Variants in RRM1 observed in about 807,000 individuals in gnomAD.
The protein encoded by RRM1 is ribonucleoside-diphosphate reductase large subunit.
Under a neutral mutation model 101.5 loss-of-function variants are expected in RRM1, and 19 were observed. The observed-to-expected ratio is 0.19, with a 90% confidence interval of 0.13 to 0.27. RRM1 has a LOEUF of 0.27. RRM1 is among the 10% of genes least tolerant of loss of function. RRM1 has a pLI of 1.00. For missense variants in RRM1, 500 were observed against 962.9 expected (o/e 0.52, Z 6.36); for synonymous variants, 298 against 323.4 (o/e 0.92, Z 0.84).
At chr11:4,120,292 G>C (rs569590296) in intron 9 of RRM1, among the ~76,000 whole-genome samples, 2 of 152,004 alleles carry the variant, frequency 1.3e-5, no homozygotes, top group African/African-American at 4.8e-5. Flanking sequence ...ATGATAGTTC[G>C]TTTGCAAAGA....
chr11:4,117,999 G>A (rs2094576086), intron 7 of RRM1, among the ~76,000 whole-genome samples: 1 of 152,206 alleles, frequency 6.6e-6, no homozygotes. Context: ...TTATGAATAT[G>A]CATGAGAAAA....
At position 4,132,238 on chromosome 11, in the gene RRM1, G is replaced by A. The variant is rs568937364; in HGVS notation, c.1770-48G>A. ...GTGACTTAAAGTAGCTGCTTTCCTGGCAGATTGTAGCTTTGGGACTAGTAC... is the reference window on the plus strand; with the variant it reads ...GTGACTTAAAGTAGCTGCTTTCCTGACAGATTGTAGCTTTGGGACTAGTAC... On this transcript the variant is annotated intron_variant, in intron 15 of 18. Transcript: ENST00000300738. This position sits in a 1 kb window ranked among gnomAD's most constrained non-coding sequence, Gnocchi z 4.1. 3.8e-6 allele frequency: 6 copies of A among 1,599,072 alleles called. No individual in the cohort carries two copies. In the South Asian group the frequency reaches 5.5e-5, roughly 15 times the overall value.
rs888385060 is a variant in RRM1, at chr11:4,134,022, G to A, written c.2001+364G>A. On this transcript the variant is annotated intron_variant, in intron 17 of 18. Transcript: ENST00000300738. Reference sequence around the variant, plus strand: ...TTTTTTTTGAGACGAAGTCTCTGTCGCCCAGGCTGGAGTGCAGTGGTGGAA... The same window carrying A: ...TTTTTTTTGAGACGAAGTCTCTGTCACCCAGGCTGGAGTGCAGTGGTGGAA... Among the ~76,000 whole-genome samples, 6 of 112,170 alleles carry A rather than the reference G, an allele frequency of 5.3e-5. No homozygotes were observed. The East Asian group carries it at 1.4e-3, about 26-fold the overall frequency. The allele number at this position is 112,170 out of a possible 152,430, so 73.6% of individuals were successfully genotyped here.
At chr11:4,115,786 A>G (rs2094572243) in intron 7 of RRM1, among the ~76,000 whole-genome samples, 1 of 152,054 alleles carries the variant, frequency 6.6e-6, no homozygotes, top group African/African-American at 2.4e-5. Flanking sequence ...CGAACTCCTG[A>G]CCTCAGGTGA....
In RRM1 at chr11:4,112,039, T is replaced by C; in HGVS notation, c.627T>C (p.Gly209=). ...THASPTLFNA[G]TNRPQLSSCF... ...CTTCGCCCACTCTCTTCAATGCTGG[T>C]ACCAACCGCCCACAACTTTCTAGGT... The change falls in exon 7 of 19, where the codon GGT becomes GGC. Residue 209 remains glycine, a synonymous_variant. Transcript: ENST00000300738. 6.2e-7 allele frequency: 1 copy of C among 1,613,874 alleles called. No individual in the cohort carries two copies. Among genetic ancestry groups the C allele is most frequent in the Non-Finnish European group, 8.5e-7 (1 of 1,179,910 alleles).
At chr11:4,098,357 CCTT>C (rs1229625168) in intron 1 of RRM1, among the ~76,000 whole-genome samples, 1 of 147,158 alleles carries the variant, frequency 6.8e-6, no homozygotes, top group East Asian at 2.0e-4. Context: ...TTTCTCCCTC[CCTT>C]CTTTCCTGCC....
At chr11:4,112,416 C>T (rs1565182445) in intron 7 of RRM1, among the ~76,000 whole-genome samples, 3 of 151,726 alleles carry the variant, frequency 2.0e-5, no homozygotes, top group African/African-American at 4.8e-5. Flanking sequence ...CAGGCTGGAG[C>T]GCAGTGTTGC....
At chr11:4,118,905 G>A (rs549645544) in intron 8 of RRM1, among the ~76,000 whole-genome samples, 26 of 152,236 alleles carry the variant, frequency 1.7e-4, no homozygotes, top group Admixed American at 4.6e-4. Context: ...TACAAGTGAG[G>A]AAATTGAGAC....
At chr11:4,124,700 T>C (rs1328588880) in intron 12 of RRM1, among the ~76,000 whole-genome samples, 1 of 152,104 alleles carries the variant, frequency 6.6e-6, no homozygotes, top group Non-Finnish European at 1.5e-5. Flanking sequence ...AATTCCTTTT[T>C]TTTCGGGGGG....
Position 4,127,169 on chromosome 11 carries a change from T to A in RRM1, c.1605T>A (p.Ile535=). 6.2e-7 allele frequency: 1 copy of A among 1,613,934 alleles called. No individual in the cohort carries two copies. The highest frequency in any genetic ancestry group is 8.5e-7 in the Non-Finnish European group (1 of 1,179,940). Residue 535 remains isoleucine (I), a synonymous_variant, in exon 14 of 19, where the codon ATT becomes ATA. Coordinates refer to ENST00000300738, the MANE Select transcript of RRM1 (RefSeq NM_001033.5). The stretch of plus-strand genomic sequence containing the variant: ...TGAATAAGCAGATCTTTGAAACTAT[T>A]TATTATGGTGCTCTGGAAGCCAGCT... The part of the protein sequence containing the change: ...QLLNKQIFET[I]YYGALEASCD...
chr11:4,115,062 TAATA>T (rs2094570924), intron 7 of RRM1, among the ~76,000 whole-genome samples: 2 of 152,112 alleles, frequency 1.3e-5, no homozygotes. Flanking sequence ...GGACATTAAA[TAATA>T]AATAAATGGA....
chr11:4,113,264 T>C (rs917861880), intron 7 of RRM1, among the ~76,000 whole-genome samples: 8 of 152,206 alleles, frequency 5.3e-5, no homozygotes, highest in Admixed American at 3.9e-4. Flanking sequence ...GCAAAATTGA[T>C]ATAGAAAATA....
Position 4,121,769 on chromosome 11 carries a change from A to G in RRM1, c.1038+4A>G. The stretch of plus-strand genomic sequence containing the variant: ...GAAACGAGTGGAGACTAATCAGGTG[A>G]GAGATAGGTACTTGTTGGTAATAGC... On this transcript the variant is annotated splice_donor_region_variant and intron_variant, in intron 10 of 18. Coordinates refer to ENST00000300738, the MANE Select transcript of RRM1 (RefSeq NM_001033.5). 1 of 1,595,480 alleles carries G rather than the reference A, an allele frequency of 6.3e-7. No individual in the cohort carries two copies. Among genetic ancestry groups the G allele is most frequent in the Non-Finnish European group, 8.5e-7 (1 of 1,173,230 alleles).
chr11:4,127,138 A>G lies in RRM1; in HGVS notation c.1574A>G (p.Gln525Arg). 1 of 1,614,124 alleles carries G rather than the reference A, an allele frequency of 6.2e-7. No homozygotes were observed. Among genetic ancestry groups the G allele is most frequent in the Non-Finnish European group, 8.5e-7 (1 of 1,180,000 alleles). Residue 525 changes from glutamine (Q) to arginine (R), a missense_variant, in exon 14 of 19, where the codon CAG becomes CGG. Transcript: ENST00000300738. ...MRYPFESAEA[Q>R]LLNKQIFETI... is the part of the protein sequence containing the mutation. ...TACCCTTTTGAGAGTGCAGAAGCCCAGTTACTGAATAAGCAGATCTTTGAA... is the reference window on the plus strand; with the variant it reads ...TACCCTTTTGAGAGTGCAGAAGCCCGGTTACTGAATAAGCAGATCTTTGAA...
At chr11:4,123,746 T>G (rs1284889715) in intron 12 of RRM1, among the ~76,000 whole-genome samples, 1 of 152,162 alleles carries the variant, frequency 6.6e-6, no homozygotes, top group African/African-American at 2.4e-5. Flanking sequence ...AAGTGGAGGC[T>G]GCAGTGGGCT....
In RRM1 at chr11:4,121,614, C is replaced by T; in HGVS notation, c.887C>T (p.Ala296Val). The T allele has an allele frequency of 6.2e-7, 1 of 1,611,736 alleles. No individual in the cohort carries two copies. Among genetic ancestry groups the T allele is most frequent in the East Asian group, 2.2e-5 (1 of 44,824 alleles). The change falls in exon 10 of 19, where the codon GCA (alanine) becomes GTA (valine). Residue 296 changes from alanine to valine, a missense_variant. By Grantham distance (64) the Ala-to-Val change is moderately conservative. Transcript: ENST00000300738. The stretch of plus-strand genomic sequence containing the variant: ...TTTATTTACCACTAGCGTCCTGGGG[C>T]ATTTGCTATTTACCTGGAGCCTTGG... ...VDQGGNKRPG[A>V]FAIYLEPWHL...
chr11:4,130,086 A>ATATATATATATATATAT lies in RRM1; in HGVS notation c.1769+937_1769+938insATATATATATATATATT, dbSNP rs1202870487. Among the ~76,000 whole-genome samples, 105 of 99,444 alleles carry ATATATATATATATATAT rather than the reference A, an allele frequency of 1.1e-3. 4 individuals are homozygous for ATATATATATATATATAT. The highest frequency in any genetic ancestry group is 5.4e-3 in the African/African-American group (100 of 18,642). The allele number at this position is 99,444 out of a possible 152,430, so 65.2% of individuals were successfully genotyped here. A position where few individuals can be genotyped will look rare whatever the true frequency, so the allele number is the denominator to read the frequency against. ...TGTATTTATATATATATATATATAT[A>ATATATATATATATATAT]TTTTTTTTTTTTTTTTTTCCCCTCA... is the stretch of plus-strand genomic sequence containing the variant. On this transcript the variant is annotated intron_variant, in intron 15 of 18. Transcript: ENST00000300738.
At chr11:4,106,942 G>T (rs2094559130) in intron 3 of RRM1, among the ~76,000 whole-genome samples, 1 of 151,640 alleles carries the variant, frequency 6.6e-6, no homozygotes, top group African/African-American at 2.4e-5. Context: ...CGCCTAGGCT[G>T]GAGTGCAATG....
In RRM1 at chr11:4,138,541, T is replaced by A. The variant is rs1590738963; in HGVS notation, c.*158T>A. 1.9e-4 allele frequency: 1 copy of A among 5,138 alleles called. No homozygotes were observed. The highest frequency in any genetic ancestry group is 8.8e-4 in the Non-Finnish European group (1 of 1,140). 0.3% of individuals were successfully genotyped at this position (5,138 alleles called of 1,614,324 possible). ...AAAGTACTGTTAATGATGATAATGA[T>A]TTTTTTTTTAAACTCATATATTGGG... On this transcript the variant is annotated 3_prime_UTR_variant, in exon 19 of 19. Coordinates refer to ENST00000300738, the MANE Select transcript of RRM1 (RefSeq NM_001033.5).
Sources: gnomAD v4.1 joint callset for allele counts (sites outside exome capture counted in the v4.1 genomes callset) on GRCh38, gnomAD v4.1.1 for gene constraint, Gnocchi (gnomAD v3.1) non-coding constraint, MANE v1.5 for transcripts, NCBI Gene and HGNC (gene_info 2026-07-23, HGNC 2026-07-21) for gene names.